STAG1: variants seen among roughly 807,000 people sequenced by gnomAD.
STAG1 encodes the protein cohesin subunit SA-1.
Under a neutral mutation model 170.9 loss-of-function variants are expected in STAG1, and 26 were observed. The ratio of observed to expected loss-of-function variants is 0.15; its 90% CI spans 0.11 to 0.21. The LOEUF (loss-of-function observed/expected upper bound fraction) is 0.21, where lower values mean the gene tolerates loss of function less well. Among genes scored for constraint, STAG1 ranks in the 10% least tolerant of loss-of-function variants. STAG1 has a pLI of 1.00. For missense variants in STAG1, 964 were observed against 1,509.5 expected, an observed-to-expected ratio of 0.64 and a Z score of 5.99; for synonymous variants, 514 against 497.7, an observed-to-expected ratio of 1.03 and a Z score of -0.44.
At chr3:136,656,548 A>T (rs929164084) in intron 1 of STAG1, among the ~76,000 whole-genome samples, 6 of 151,982 alleles carry the variant, frequency 3.9e-5, no homozygotes, top group African/African-American at 7.3e-5. Context: ...TTTGACTTCA[A>T]ATATAACCAC....
intron 1 of STAG1, among the ~76,000 whole-genome samples, chr3:136,682,987 T>C (rs540475240): frequency 1.3e-4 from 20 of 152,264 alleles, no homozygotes; most frequent in African/African-American, 3.8e-4. Context: ...CTTGAGGATA[T>C]TGTGTTAAGC....
intron 7 of STAG1, among the ~76,000 whole-genome samples, chr3:136,513,816 G>A (rs1261644862): frequency 2.0e-5 from 3 of 151,306 alleles, no homozygotes; most frequent in Non-Finnish European, 4.4e-5. Flanking sequence ...AATTAAGAAA[G>A]AAAGAAAACA....
intron 4 of STAG1, among the ~76,000 whole-genome samples, chr3:136,602,588 T>C (rs1327955487): frequency 6.6e-6 from 1 of 151,820 alleles, no homozygotes; most frequent in Non-Finnish European, 1.5e-5. Context: ...TGGTGACTCA[T>C]GCCTGTAATC....
intron 13 of STAG1, among the ~76,000 whole-genome samples, chr3:136,463,610 G>C (rs1052429495): frequency 4.6e-5 from 7 of 151,262 alleles, no homozygotes; most frequent in Non-Finnish European, 1.0e-4. Flanking sequence ...GGGTACAGTG[G>C]CTCATGCCTG....
chr3:136,389,664 C>G (rs1421507654), intron 22 of STAG1, among the ~76,000 whole-genome samples: 1 of 151,730 alleles, frequency 6.6e-6, no homozygotes, highest in Admixed American at 6.6e-5. Flanking sequence ...GGATTACAGG[C>G]GTGTGCCACC....
chr3:136,700,939 C>T (rs1025356035), intron 1 of STAG1, among the ~76,000 whole-genome samples: 8 of 130,896 alleles, frequency 6.1e-5, no homozygotes, highest in African/African-American at 1.8e-4. Flanking sequence ...TGGAGTGCAG[C>T]GGCATGATCT....
intron 5 of STAG1, among the ~76,000 whole-genome samples, chr3:136,543,922 C>T (rs1936027021): frequency 6.6e-6 from 1 of 152,012 alleles, no homozygotes; most frequent in Admixed American, 6.6e-5. Flanking sequence ...ATTATCGTGC[C>T]CATTTTGGAA....
intron 1 of STAG1, among the ~76,000 whole-genome samples, chr3:136,745,664 G>A (rs1345152969): frequency 3.3e-5 from 5 of 152,178 alleles, no homozygotes; most frequent in Non-Finnish European, 5.9e-5. Flanking sequence ...CTGCTGTGCA[G>A]CCCAGTTTCT....
chr3:136,689,690 C>A (rs559744887), intron 1 of STAG1, among the ~76,000 whole-genome samples: 1 of 152,288 alleles, frequency 6.6e-6, no homozygotes, highest in East Asian at 1.9e-4. Flanking sequence ...GACTGACAAG[C>A]TTTAATAGCA....
chr3:136,370,207 A>C (rs1199099124), intron 23 of STAG1, among the ~76,000 whole-genome samples: 1 of 152,150 alleles, frequency 6.6e-6, no homozygotes, highest in Admixed American at 6.6e-5. Flanking sequence ...CTCCAGAAGA[A>C]TGCATTATTA....
At chr3:136,484,034 G>A (rs1370059302) in intron 9 of STAG1, among the ~76,000 whole-genome samples, 1 of 102,238 alleles carries the variant, frequency 9.8e-6, no homozygotes, top group Admixed American at 1.1e-4. Context: ...ATGTCCTCCC[G>A]TAGCTCAGAG....
At chr3:136,422,271 T>C (rs532725468) in intron 19 of STAG1, 139 bp downstream of exon 19, 1 of 674,008 alleles carries the variant, frequency 1.5e-6, no homozygotes, top group East Asian at 2.8e-5. Context: ...TACACAATTG[T>C]AATAAGGTTG....
At chr3:136,585,600 A>G (rs1368639517) in intron 4 of STAG1, among the ~76,000 whole-genome samples, 2 of 151,164 alleles carry the variant, frequency 1.3e-5, no homozygotes, top group Non-Finnish European at 3.0e-5. Flanking sequence ...CAAAAATAAT[A>G]ATAATAATAA....
chr3:136,679,532 T>A (rs1011712461), intron 1 of STAG1, among the ~76,000 whole-genome samples: 10 of 152,094 alleles, frequency 6.6e-5, no homozygotes, highest in South Asian at 2.1e-4. Flanking sequence ...ATCGAGACCA[T>A]CCTGGATAAC....
chr3:136,615,800 A>G (rs1939565150), intron 3 of STAG1, among the ~76,000 whole-genome samples: 1 of 151,946 alleles, frequency 6.6e-6, no homozygotes, highest in Admixed American at 6.6e-5. Context: ...AAAATGAAAA[A>G]AAAGAAAAAA....
chr3:136,711,783 C>A (rs1943388694), intron 1 of STAG1, among the ~76,000 whole-genome samples: 1 of 151,488 alleles, frequency 6.6e-6, no homozygotes, highest in African/African-American at 2.4e-5. Flanking sequence ...GGTGCTGGAA[C>A]AACTGGATAT....
At chr3:136,475,866 G>A (rs1192521563) in intron 10 of STAG1, among the ~76,000 whole-genome samples, 1 of 152,174 alleles carries the variant, frequency 6.6e-6, no homozygotes, top group Non-Finnish European at 1.5e-5. Context: ...TCAAAGCCAA[G>A]TGTTGCCTCT....
At chr3:136,589,182 C>G (rs1219280178) in intron 4 of STAG1, among the ~76,000 whole-genome samples, 1 of 152,128 alleles carries the variant, frequency 6.6e-6, no homozygotes, top group Non-Finnish European at 1.5e-5. Context: ...TGAGCCACTG[C>G]ACCTGGCCTA....
At chr3:136,508,480 G>A (rs1158274291) in intron 7 of STAG1, among the ~76,000 whole-genome samples, 2 of 152,156 alleles carry the variant, frequency 1.3e-5, no homozygotes, top group East Asian at 1.9e-4. Context: ...TTGAGGTCAG[G>A]AGTTCAAGAC....
Sources: allele counts gnomAD v4.1 joint callset (sites outside exome capture counted in the v4.1 genomes callset), GRCh38; gene constraint gnomAD v4.1.1; transcripts MANE v1.5; gene names NCBI Gene and HGNC (gene_info 2026-07-23, HGNC 2026-07-21).